Variants in CDH4 observed in about 807,000 individuals in gnomAD.
CDH4 encodes cadherin 4.
A neutral mutation model predicts 86.0 loss-of-function variants in CDH4; 33 were observed. The observed-to-expected ratio is 0.38, with a 90% confidence interval of 0.29 to 0.51. CDH4 has a LOEUF of 0.51. CDH4 is among the 20% of genes least tolerant of loss of function. The pLI, the probability that CDH4 is intolerant of heterozygous loss-of-function variation, is 0.86. For synonymous variants in CDH4, 555 were observed against 549.4 expected, an observed-to-expected ratio of 1.01 and a Z score of -0.14; for missense variants, 1,114 against 1,307.4, an observed-to-expected ratio of 0.85 and a Z score of 2.28.
In CDH4 at chr20:61,913,252, G is replaced by A. The variant is rs1173543192; in HGVS notation, c.1374+2645G>A. Among the ~76,000 whole-genome samples the A allele has an allele frequency of 2.6e-5, 4 of 152,316 alleles. No individual in the cohort carries two copies. In the East Asian group the frequency reaches 7.7e-4, roughly 29 times the overall value. ...AGCCCAACATAGATCAGAAAGGGCC[G>A]GTACCAAGGAAGAAGGCTGGCTCGA... On this transcript the variant is annotated intron_variant, in intron 9 of 15. Coordinates refer to ENST00000614565, the MANE Select transcript of CDH4 (RefSeq NM_001794.5).
Position 61,754,580 on chromosome 20 carries a change from G to T in CDH4, c.396+10791G>T, listed in dbSNP as rs1277217916. On this transcript the variant is annotated intron_variant, in intron 3 of 15. Coordinates refer to ENST00000614565, the MANE Select transcript of CDH4 (RefSeq NM_001794.5). This position sits in a 1 kb window ranked among gnomAD's most constrained non-coding sequence, Gnocchi z 4.7. ...CCAAGGGCAGCAGCACACAACAGGT[G>T]CAGGCACACTGCCCGGAACACCACA... Among the ~76,000 whole-genome samples the T allele has an allele frequency of 3.3e-5, 5 of 151,324 alleles. No individual in the cohort carries two copies. The highest frequency in any genetic ancestry group is 1.2e-4 in the African/African-American group (5 of 40,718).
At chr20:61,329,441 T>TTGCCTCGTGGGTCTGGGACGC (rs35019609) in intron 2 of CDH4, among the ~76,000 whole-genome samples, 1 of 32,718 alleles carries the variant, frequency 3.1e-5, no homozygotes, top group African/African-American at 9.1e-5. Context: ...GTCCTCATGG[T>TTGCCTCGTGGGTCTGGGACGC]CCCCCGTGGG....
intron 2 of CDH4, among the ~76,000 whole-genome samples, chr20:61,472,986 G>T (rs984021963): frequency 6.6e-6 from 1 of 152,118 alleles, no homozygotes; most frequent in Non-Finnish European, 1.5e-5. Flanking sequence ...ATACCCAACC[G>T]GGTGTGGGTA....
chr20:61,504,211 G>A (rs908909871), intron 2 of CDH4, among the ~76,000 whole-genome samples: 1 of 152,206 alleles, frequency 6.6e-6, no homozygotes, highest in South Asian at 2.1e-4. Flanking sequence ...CTCCGTGGCC[G>A]GCCACACACT....
chr20:61,423,325 C>T (rs2085190583), intron 2 of CDH4, among the ~76,000 whole-genome samples: 1 of 152,182 alleles, frequency 6.6e-6, no homozygotes, highest in Non-Finnish European at 1.5e-5. Context: ...CGGGTGTGCA[C>T]TCACCTCACA....
intron 2 of CDH4, among the ~76,000 whole-genome samples, chr20:61,447,900 C>G (rs990567432): frequency 6.6e-6 from 1 of 152,084 alleles, no homozygotes; most frequent in Non-Finnish European, 1.5e-5. Flanking sequence ...CAACACTTTC[C>G]CCAGAATTCT....
chr20:61,565,233 G>GTGGTGGTGGTGCTCT (rs1555809110), intron 2 of CDH4, among the ~76,000 whole-genome samples: 1 of 46,744 alleles, frequency 2.1e-5, no homozygotes, highest in Non-Finnish European at 4.1e-5. Context: ...GGTGGTGGTG[G>GTGGTGGTGGTGCTCT]TGGTGGTGGC....
Position 61,937,026 on chromosome 20 carries a change from C to A in CDH4, c.*83C>A. The A allele has an allele frequency of 4.1e-6, 5 of 1,206,830 alleles. No homozygotes were observed. The highest frequency in any genetic ancestry group is 2.6e-4 in the Middle Eastern group (1 of 3,898). 74.8% of individuals were successfully genotyped at this position (1,206,830 alleles called of 1,614,324 possible). Reference sequence around the variant, plus strand: ...ACTGAGCAGAGGCGGCCGGTCTTCCCGACTCCCTGCGGCTGTGTCCTTAGT... The same window carrying A: ...ACTGAGCAGAGGCGGCCGGTCTTCCAGACTCCCTGCGGCTGTGTCCTTAGT... On this transcript the variant is annotated 3_prime_UTR_variant, in exon 16 of 16. Transcript: ENST00000614565.
chr20:61,890,044 A>G (rs1984741739), intron 7 of CDH4, among the ~76,000 whole-genome samples: 1 of 146,112 alleles, frequency 6.8e-6, no homozygotes, highest in Non-Finnish European at 1.5e-5. Flanking sequence ...GGATAGTTGG[A>G]TGATGGATGG....
chr20:61,414,288 C>T (rs549713485), intron 2 of CDH4, among the ~76,000 whole-genome samples: 56 of 152,374 alleles, frequency 3.7e-4, no homozygotes, highest in South Asian at 8.3e-4. Flanking sequence ...GGGCATGGCC[C>T]ATGCCTGGCT....
intron 2 of CDH4, among the ~76,000 whole-genome samples, chr20:61,473,782 C>G (rs978524687): frequency 2.0e-5 from 3 of 152,014 alleles, no homozygotes; most frequent in African/African-American, 7.3e-5. Flanking sequence ...AAGACACACA[C>G]ACACTCAGAC....
At chr20:61,895,354 T>G (rs745762795) in intron 8 of CDH4, among the ~76,000 whole-genome samples, 3 of 152,214 alleles carry the variant, frequency 2.0e-5, no homozygotes, top group Non-Finnish European at 4.4e-5. Context: ...TCACTGCCAC[T>G]TTGGAAGGCC....
chr20:61,301,067 C>G (rs532225001), intron 2 of CDH4, among the ~76,000 whole-genome samples: 1 of 152,236 alleles, frequency 6.6e-6, no homozygotes, highest in Admixed American at 6.5e-5. Context: ...GCAGTGTGCC[C>G]GGGGCTGCGC....
intron 13 of CDH4, among the ~76,000 whole-genome samples, chr20:61,932,336 C>T: frequency 6.6e-6 from 1 of 152,190 alleles, no homozygotes; most frequent in East Asian, 1.9e-4. Flanking sequence ...AAATGTAGCC[C>T]AGTGCCCAGG....
intron 2 of CDH4, among the ~76,000 whole-genome samples, chr20:61,446,338 T>C (rs1446998415): frequency 2.6e-5 from 4 of 152,250 alleles, no homozygotes; most frequent in African/African-American, 9.6e-5. Context: ...CTTGATTAAT[T>C]ATTTTGCTTA....
chr20:61,721,171 G>A (rs551640988), intron 2 of CDH4, among the ~76,000 whole-genome samples: 4 of 152,332 alleles, frequency 2.6e-5, no homozygotes, highest in African/African-American at 7.2e-5. Flanking sequence ...GGATGAGTAT[G>A]TCTCTTCTCA....
At chr20:61,338,734 A>G (rs2084633278) in intron 2 of CDH4, among the ~76,000 whole-genome samples, 1 of 152,218 alleles carries the variant, frequency 6.6e-6, no homozygotes, top group Non-Finnish European at 1.5e-5. Flanking sequence ...TTTTAATTAT[A>G]CTTAATAGTT....
intron 7 of CDH4, among the ~76,000 whole-genome samples, chr20:61,880,175 T>C (rs959970131): frequency 2.0e-5 from 3 of 152,190 alleles, no homozygotes; most frequent in Non-Finnish European, 4.4e-5. Context: ...GTGACCAGAA[T>C]GTCCCCTTTC....
intron 6 of CDH4, among the ~76,000 whole-genome samples, chr20:61,855,447 G>A (rs910686067): frequency 1.3e-5 from 2 of 152,182 alleles, no homozygotes; most frequent in Admixed American, 1.3e-4. Context: ...CAAAGAAAAC[G>A]GATGAGGACA....
Sources: gnomAD v4.1 joint callset for allele counts (sites outside exome capture counted in the v4.1 genomes callset) on GRCh38, gnomAD v4.1.1 for gene constraint, Gnocchi (gnomAD v3.1) non-coding constraint, MANE v1.5 for transcripts, NCBI Gene and HGNC (gene_info 2026-07-23, HGNC 2026-07-21) for gene names.